Variants in OTOF observed in about 807,000 individuals in gnomAD.
OTOF encodes the protein fer-1-like family member 2.
In OTOF, 218 loss-of-function variants were observed where a neutral mutation model predicts 236.8. That is an observed-to-expected ratio of 0.92 (90% CI 0.82 to 1.03). OTOF has a LOEUF of 1.03. Among genes scored for constraint, OTOF ranks in the 50% least tolerant of loss-of-function variants. OTOF has a pLI of 0.00. For missense variants in OTOF, 2,590 were observed against 2,694.4 expected (o/e 0.96, Z 0.86); for synonymous variants, 1,041 against 1,072.5 (o/e 0.97, Z 0.57).
At position 26,556,122 on chromosome 2, in the gene OTOF, G is replaced by T. The variant is rs534826977; in HGVS notation, c.79+2371C>A. Among the ~76,000 whole-genome samples, 4 of 152,280 alleles carry T rather than the reference G, an allele frequency of 2.6e-5. No homozygotes were observed. The East Asian group carries it at 7.7e-4, about 29-fold the overall frequency. On this transcript the variant is annotated intron_variant, in intron 1 of 46. Transcript: ENST00000272371. ...GCCTACCTAGGGCCACTGCCAATGG[G>T]CACAGCTCACCAAGGGCTCCCTCAC...
At chr2:26,496,322 C>T (rs1665983804) in intron 8 of OTOF, among the ~76,000 whole-genome samples, 1 of 151,710 alleles carries the variant, frequency 6.6e-6, no homozygotes, top group Non-Finnish European at 1.5e-5. Context: ...GCAGCCTCCA[C>T]CTCCTGGGTT....
intron 8 of OTOF, among the ~76,000 whole-genome samples, chr2:26,498,462 T>TA: frequency 6.6e-6 from 1 of 151,944 alleles, no homozygotes; most frequent in Non-Finnish European, 1.5e-5. Flanking sequence ...GCACTTGAAA[T>TA]AAAAAATAAA....
chr2:26,476,305 G>A lies in OTOF; in HGVS notation c.2689C>T (p.Arg897Trp), dbSNP rs768666917. ...GTCCAGCCTGCCGAGCCGAAGCCCCGCTTCCCTGGCAGCTGGGGGTGGGCA... is the reference window on the plus strand; with the variant it reads ...GTCCAGCCTGCCGAGCCGAAGCCCCACTTCCCTGGCAGCTGGGGGTGGGCA... ...KTLFLKLPGKRGFGSAGWTVQ... is the reference protein window; with the variant it reads ...KTLFLKLPGKWGFGSAGWTVQ... Residue 897 changes from arginine to tryptophan, a missense_variant, in exon 23 of 47, where the codon CGG (arginine) becomes TGG (tryptophan). Physicochemically the swap from Arg to Trp is moderately radical, Grantham distance 101. This residue lies in a region of OTOF where 1,379 missense variants were observed against 1,341.6 expected (regional missense o/e 1.03). Coordinates refer to ENST00000272371, the MANE Select transcript of OTOF (RefSeq NM_194248.3). The A allele has an allele frequency of 1.4e-5, 22 of 1,603,844 alleles. No individual in the cohort carries two copies. Among genetic ancestry groups the A allele is most frequent in the Middle Eastern group, 1.9e-4 (1 of 5,306 alleles).
Position 26,542,052 on chromosome 2 carries a change from A to G in OTOF, c.80-4278T>C, listed in dbSNP as rs542084572. ...AGATATACCCATTTCTCCTTTCACC[A>G]TTTAAAAATACCCACACGACAGATC... On this transcript the variant is annotated intron_variant, in intron 1 of 46. Transcript: ENST00000272371. Among the ~76,000 whole-genome samples, 4 of 152,364 alleles carry G rather than the reference A, an allele frequency of 2.6e-5. No individual in the cohort carries two copies. In the South Asian group the frequency reaches 8.3e-4, roughly 32 times the overall value.
Position 26,462,255 on chromosome 2 carries a change from G to T in OTOF, c.5193-74C>A. ...GCCAGGGTGCCAGGGCTGGGATGGG[G>T]CAGGCGGAGAGAAGCCCTGGGGTCT... On this transcript the variant is annotated intron_variant, in intron 41 of 46. Transcript: ENST00000272371. This position sits in a 1 kb window ranked among gnomAD's most constrained non-coding sequence, Gnocchi z 4.7. 2 of 1,305,368 alleles carry T rather than the reference G, an allele frequency of 1.5e-6. No homozygotes were observed. The highest frequency in any genetic ancestry group is 2.2e-6 in the Non-Finnish European group (2 of 900,490). 80.9% of individuals were successfully genotyped at this position (1,305,368 alleles called of 1,614,324 possible).
intron 1 of OTOF, among the ~76,000 whole-genome samples, chr2:26,539,025 C>T (rs896214739): frequency 2.0e-5 from 3 of 152,044 alleles, no homozygotes; most frequent in African/African-American, 7.2e-5. Context: ...GTTGGCCAGG[C>T]TCGTCTGGAA....
chr2:26,537,782 G>A lies in OTOF; in HGVS notation c.80-8C>T. The A allele has an allele frequency of 6.5e-7, 1 of 1,550,358 alleles. No homozygotes were observed. The highest frequency in any genetic ancestry group is 8.7e-7 in the Non-Finnish European group (1 of 1,145,260). The stretch of plus-strand genomic sequence containing the variant: ...GAGAGTAGAAGGATTGCCCTGTGGG[G>A]AAAGAGGAAATAAATTCTAGGGTCA... On this transcript the variant is annotated splice_polypyrimidine_tract_variant and splice_region_variant and intron_variant, in intron 1 of 46. Coordinates refer to ENST00000272371, the MANE Select transcript of OTOF (RefSeq NM_194248.3).
intron 7 of OTOF, 61 bp downstream of exon 7, chr2:26,502,239 A>G: frequency 1.3e-6 from 2 of 1,598,656 alleles, no homozygotes; most frequent in Non-Finnish European, 1.7e-6. Flanking sequence ...CAATCATGGC[A>G]AGCCAGGTCC....
chr2:26,535,870 T>C (rs1667057165), intron 2 of OTOF, among the ~76,000 whole-genome samples: 1 of 152,194 alleles, frequency 6.6e-6, no homozygotes, highest in Non-Finnish European at 1.5e-5. Flanking sequence ...GTGATTAACT[T>C]TGAATGTCGT....
chr2:26,481,043 G>A lies in OTOF; in HGVS notation c.1580-34C>T, dbSNP rs57350577. ...GTGGGAACAAAAATGAGGGGGCAGC[G>A]TCACATCCAGTTTCCCTGGGGAAGA... On this transcript the variant is annotated intron_variant, in intron 14 of 46. Transcript: ENST00000272371. The A allele has an allele frequency of 8.2e-4, 1,233 of 1,509,260 alleles. 12 individuals carry two copies. In the African/African-American group the frequency reaches 0.015, roughly 18 times the overall value. The allele number at this position is 1,509,260 out of a possible 1,614,324, so 93.5% of individuals were successfully genotyped here. A position where few individuals can be genotyped will look rare whatever the true frequency, so the allele number is the denominator to read the frequency against.
In OTOF at chr2:26,475,468, G is replaced by C. The variant is rs764594629; in HGVS notation, c.3017C>G (p.Thr1006Ser). The C allele has an allele frequency of 1.1e-5, 18 of 1,612,860 alleles. No individual in the cohort carries two copies. The South Asian group carries it at 1.8e-4, about 16-fold the overall frequency. The change falls in exon 25 of 47, where the codon ACC becomes AGC. Residue 1006 changes from threonine (T) to serine (S), a missense_variant. By Grantham distance (58) the Thr-to-Ser change is moderately conservative. Transcript: ENST00000272371. Reference protein sequence around the residue: ...TEVLNETLCPTWDQMLVFDNL... With the variant: ...TEVLNETLCPSWDQMLVFDNL... The stretch of plus-strand genomic sequence containing the variant: ...GTCGAACACCAGCATCTGGTCCCAG[G>C]TGGGACACAGGGTCTCATTCAGCAC...
At chr2:26,514,447 G>A (rs1490016240) in intron 5 of OTOF, among the ~76,000 whole-genome samples, 2 of 152,240 alleles carry the variant, frequency 1.3e-5, no homozygotes, top group African/African-American at 2.4e-5. Context: ...GGCTCTCTGG[G>A]ACTCTAAGCT....
rs1260202995 is a variant in OTOF, at chr2:26,473,065, G to A, written c.3733+67C>T. ...ACTCTGGTCGCGGCTTGGACTGGGC[G>A]GAGACCTGGAGCCCTTCCCTGGGGG... On this transcript the variant is annotated intron_variant, in intron 29 of 46. Coordinates refer to ENST00000272371, the MANE Select transcript of OTOF (RefSeq NM_194248.3). This position sits in a 1 kb window ranked among gnomAD's most constrained non-coding sequence, Gnocchi z 7.2. 18 of 1,511,816 alleles carry A rather than the reference G, an allele frequency of 1.2e-5. No homozygotes were observed. In the Admixed American group the frequency reaches 2.0e-4, roughly 17 times the overall value. The allele number at this position is 1,511,816 out of a possible 1,614,324, so 93.7% of individuals were successfully genotyped here. A position where few individuals can be genotyped will look rare whatever the true frequency, so the allele number is the denominator to read the frequency against.
intron 2 of OTOF, among the ~76,000 whole-genome samples, chr2:26,532,780 TCCTATCAGCC>T (rs1429309452): frequency 6.6e-6 from 1 of 152,128 alleles, no homozygotes; most frequent in East Asian, 1.9e-4. Flanking sequence ...GGGTTCTGCA[TCCTATCAGCC>T]CCAGTGATCT....
chr2:26,536,848 G>A lies in OTOF; in HGVS notation c.138+868C>T, dbSNP rs563577965. Among the ~76,000 whole-genome samples, 10 of 152,362 alleles carry A rather than the reference G, an allele frequency of 6.6e-5. No homozygotes were observed. In the South Asian group the frequency reaches 1.9e-3, roughly 28 times the overall value. ...CCCTGGAGAACCTACAGCAGCCAGAGGGGAATATAGATTCTGGAAGCAGCA... is the reference window on the plus strand; with the variant it reads ...CCCTGGAGAACCTACAGCAGCCAGAAGGGAATATAGATTCTGGAAGCAGCA... On this transcript the variant is annotated intron_variant, in intron 2 of 46. Coordinates refer to ENST00000272371, the MANE Select transcript of OTOF (RefSeq NM_194248.3).
chr2:26,494,083 G>C (rs1665915435), intron 9 of OTOF, among the ~76,000 whole-genome samples: 1 of 152,230 alleles, frequency 6.6e-6, no homozygotes, highest in Non-Finnish European at 1.5e-5. Context: ...TGCCATATTT[G>C]TGATGGTGGC....
chr2:26,506,385 C>A (rs1172214740), intron 5 of OTOF, among the ~76,000 whole-genome samples: 4 of 152,246 alleles, frequency 2.6e-5, no homozygotes, highest in African/African-American at 9.6e-5. Flanking sequence ...GCAGCCTGCT[C>A]CAGCCACAGA....
At position 26,477,697 on chromosome 2, in the gene OTOF, G is replaced by A. The variant is rs1249894717; in HGVS notation, c.2267C>T (p.Pro756Leu). Residue 756 changes from proline (P) to leucine (L), a missense_variant, in exon 19 of 47, where the codon CCT becomes CTT. Pro to Leu is a moderately conservative substitution (Grantham distance 98). Transcript: ENST00000272371. This position sits in a 1 kb window ranked among gnomAD's most constrained non-coding sequence, Gnocchi z 4.7. ...QEMIKTEKSY[P>L]ERRLRGVLEE... is the part of the protein sequence containing the mutation. ...CAGGACGCCCCGCAGGCGACGCTCAGGGTAGGACTTCTCCGTTTTGATCAT... is the reference window on the plus strand; with the variant it reads ...CAGGACGCCCCGCAGGCGACGCTCAAGGTAGGACTTCTCCGTTTTGATCAT... The A allele has an allele frequency of 3.1e-6, 5 of 1,612,576 alleles. No homozygotes were observed. Among genetic ancestry groups the A allele is most frequent in the Non-Finnish European group, 4.2e-6 (5 of 1,180,002 alleles).
chr2:26,513,417 C>T (rs1426803467), intron 5 of OTOF, among the ~76,000 whole-genome samples: 1 of 152,170 alleles, frequency 6.6e-6, no homozygotes, highest in Non-Finnish European at 1.5e-5. Flanking sequence ...GCATCAGCCT[C>T]CCCTCCATCC....
Sources: allele counts gnomAD v4.1 joint callset (sites outside exome capture counted in the v4.1 genomes callset), GRCh38; gene constraint gnomAD v4.1.1; regional missense constraint gnomAD v4.1.1; non-coding constraint Gnocchi (gnomAD v3.1); transcripts MANE v1.5; gene names NCBI Gene and HGNC (gene_info 2026-07-23, HGNC 2026-07-21).